The following GRK3 variants were observed in gnomAD, a reference collection of about 807,000 sequenced individuals.
The protein encoded by GRK3 is adrenergic, beta, receptor kinase 2.
Under a neutral mutation model 95.7 loss-of-function variants are expected in GRK3, and 54 were observed. That is an observed-to-expected ratio of 0.56 (90% CI 0.45 to 0.71). GRK3 has a LOEUF of 0.71. GRK3 is among the 30% of genes least tolerant of loss of function. The pLI is 0.00. For missense variants in GRK3, 649 were observed against 851.2 expected, an observed-to-expected ratio of 0.76 and a Z score of 2.96; for synonymous variants, 281 against 290.8, an observed-to-expected ratio of 0.97 and a Z score of 0.34.
intron 1 of GRK3, among the ~76,000 whole-genome samples, chr22:25,575,213 T>A (rs562265955): frequency 6.6e-6 from 1 of 152,350 alleles, no homozygotes; most frequent in African/African-American, 2.4e-5. Context: ...CAAAATATTT[T>A]AAAAATTCAG....
chr22:25,703,684 TA>T (rs1158759460), intron 14 of GRK3, 108 bp downstream of exon 14: 1 of 824,184 alleles, frequency 1.2e-6, no homozygotes, highest in African/African-American at 1.7e-5. Context: ...AATATAAAAT[TA>T]TGTATAGACA....
At chr22:25,574,820 G>A (rs568016030) in intron 1 of GRK3, among the ~76,000 whole-genome samples, 7 of 152,072 alleles carry the variant, frequency 4.6e-5, no homozygotes, top group African/African-American at 1.4e-4. Flanking sequence ...AATAAATATC[G>A]TCATCACCAG....
At chr22:25,667,189 A>G (rs563750984) in intron 5 of GRK3, among the ~76,000 whole-genome samples, 17 of 152,144 alleles carry the variant, frequency 1.1e-4, no homozygotes, top group Non-Finnish European at 2.4e-4. Flanking sequence ...TGACTCTAAG[A>G]GATAGAAAAT....
chr22:25,608,647 G>C (rs145709662), intron 2 of GRK3, among the ~76,000 whole-genome samples: 1 of 151,538 alleles, frequency 6.6e-6, no homozygotes, highest in African/African-American at 2.4e-5. Context: ...TGGCAGCAGC[G>C]AGGAAACAGC....
intron 2 of GRK3, among the ~76,000 whole-genome samples, chr22:25,642,694 A>G (rs1438385083): frequency 6.6e-6 from 1 of 152,046 alleles, no homozygotes; most frequent in East Asian, 1.9e-4. Context: ...TTTAGCTCCC[A>G]CTTGTAAATG....
chr22:25,673,037 T>C (rs2084996496), intron 7 of GRK3, among the ~76,000 whole-genome samples: 1 of 151,276 alleles, frequency 6.6e-6, no homozygotes, highest in Non-Finnish European at 1.5e-5. Flanking sequence ...TTTGAGATTT[T>C]TTACTTGAAT....
At chr22:25,652,250 C>T (rs1374763023) in intron 3 of GRK3, among the ~76,000 whole-genome samples, 1 of 151,852 alleles carries the variant, frequency 6.6e-6, no homozygotes, top group Non-Finnish European at 1.5e-5. Context: ...CTGGCTAACA[C>T]AGTGAAACTC....
rs182098820 is a variant in GRK3 at position 25,598,098 on chromosome 22, A to G, written c.114-6279A>G. ...ACATTGCATGTCTAAAGCCAAAACAATGCAAATATATTATGAGATTTAGAA... is the reference window on the plus strand; with the variant it reads ...ACATTGCATGTCTAAAGCCAAAACAGTGCAAATATATTATGAGATTTAGAA... On this transcript the variant is annotated intron_variant, in intron 1 of 20. Coordinates refer to ENST00000324198, the MANE Select transcript of GRK3 (RefSeq NM_005160.4). 2.9e-3 allele frequency among the ~76,000 whole-genome samples: 448 copies of G among 152,358 alleles called. 5 individuals are homozygous for G. The Middle Eastern group carries it at 0.031, about 10-fold the overall frequency.
intron 1 of GRK3, among the ~76,000 whole-genome samples, chr22:25,596,203 C>T (rs1409959235): frequency 1.3e-5 from 2 of 152,118 alleles, no homozygotes; most frequent in Admixed American, 1.3e-4. Flanking sequence ...CAAGAGTATT[C>T]ATGGGGAAAA....
At position 25,661,614 on chromosome 22, in the gene GRK3, C is replaced by T. The variant is rs774287433; in HGVS notation, c.303C>T (p.Arg101=). Residue 101 remains arginine, a synonymous_variant, in exon 4 of 21, where the codon CGC becomes CGT. Coordinates refer to ENST00000324198, the MANE Select transcript of GRK3 (RefSeq NM_005160.4). ...EYEKLDNEED[R]LCRSRQIYDA... ...AAAAACTTGATAATGAGGAAGACCG[C>T]CTTTGCAGAAGTCGACAAATTTATG... 42 of 1,613,184 alleles carry T rather than the reference C, an allele frequency of 2.6e-5. No homozygotes were observed. Among genetic ancestry groups the T allele is most frequent in the East Asian group, 2.0e-4 (9 of 44,856 alleles).
chr22:25,675,834 G>T (rs1435995248), intron 8 of GRK3, among the ~76,000 whole-genome samples: 1 of 152,134 alleles, frequency 6.6e-6, no homozygotes, highest in African/African-American at 2.4e-5. Context: ...TTCTACTCTG[G>T]GGGCCTGGGC....
intron 1 of GRK3, 71 bp downstream of exon 1, chr22:25,565,224 CT>C: frequency 1.3e-6 from 1 of 776,294 alleles, no homozygotes; most frequent in Non-Finnish European, 1.9e-6. Context: ...CCCCTGCTTC[CT>C]GGAGGGTCGG....
chr22:25,647,266 G>A lies in GRK3; in HGVS notation c.264+2601G>A, dbSNP rs957670975. The A allele has an allele frequency of 1.8e-5, 17 of 939,852 alleles. No individual in the cohort carries two copies. The African/African-American group carries it at 2.7e-4, about 15-fold the overall frequency. The allele number at this position is 939,852 out of a possible 1,614,324, so 58.2% of individuals were successfully genotyped here. On this transcript the variant is annotated intron_variant, in intron 3 of 20. Coordinates refer to ENST00000324198, the MANE Select transcript of GRK3 (RefSeq NM_005160.4). ...AGCCAGAGGACAGATTTGATAATGG[G>A]CTGCATTAAAAGCAAAGAAAACAAA...
In GRK3 at chr22:25,723,959, T is replaced by C. The variant is rs542664583; in HGVS notation, c.*1509T>C. On this transcript the variant is annotated 3_prime_UTR_variant, in exon 21 of 21. Coordinates refer to ENST00000324198, the MANE Select transcript of GRK3 (RefSeq NM_005160.4). ...AAGAGTTACTTTGCAAAAAAAAAAA[T>C]GTGGGTTTTTTTTTTTGTCTATCTC... The C allele has an allele frequency of 2.0e-5, 3 of 149,502 alleles. No homozygotes were observed. Among genetic ancestry groups the C allele is most frequent in the East Asian group, 4.0e-4 (2 of 5,050 alleles). 9.3% of individuals were successfully genotyped at this position (149,502 alleles called of 1,614,324 possible).
At chr22:25,689,962 A>G (rs1234772010) in intron 11 of GRK3, among the ~76,000 whole-genome samples, 1 of 152,216 alleles carries the variant, frequency 6.6e-6, no homozygotes, top group Non-Finnish European at 1.5e-5. Context: ...TTTTCTAATG[A>G]GTAGAATCCT....
chr22:25,662,867 G>A (rs2084918370), intron 4 of GRK3, among the ~76,000 whole-genome samples: 2 of 152,156 alleles, frequency 1.3e-5, no homozygotes, highest in African/African-American at 4.8e-5. Context: ...ACAATTTGAA[G>A]TTTGGAGAGG....
intron 1 of GRK3, among the ~76,000 whole-genome samples, chr22:25,565,515 T>C (rs1931443001): frequency 6.6e-6 from 1 of 151,976 alleles, no homozygotes; most frequent in Admixed American, 6.5e-5. Flanking sequence ...TCCTGTTGCA[T>C]TGGTGTAGTC....
At chr22:25,722,199 C>T (rs2085437838) in intron 20 of GRK3, 90 bp from the exon 21 acceptor site, 1 of 1,477,598 alleles carries the variant, frequency 6.8e-7, no homozygotes, top group South Asian at 1.2e-5. Context: ...TTCAGGGGTT[C>T]CAGGGACGCT....
intron 11 of GRK3, among the ~76,000 whole-genome samples, chr22:25,688,172 C>T (rs1384838519): frequency 6.9e-6 from 1 of 145,332 alleles, no homozygotes; most frequent in Non-Finnish European, 1.5e-5. Flanking sequence ...GGAGGCAGAG[C>T]TTGCAGTGAG....
Sources: allele counts gnomAD v4.1 joint callset (sites outside exome capture counted in the v4.1 genomes callset), GRCh38; gene constraint gnomAD v4.1.1; transcripts MANE v1.5; gene names NCBI Gene and HGNC (gene_info 2026-07-23, HGNC 2026-07-21).